LTBP1: variants seen among roughly 807,000 people sequenced by gnomAD.
The protein encoded by LTBP1 is latent transforming growth factor beta binding protein 1.
A neutral mutation model predicts 207.6 loss-of-function variants in LTBP1; 129 were observed. That is an observed-to-expected ratio of 0.62 (90% confidence interval 0.54 to 0.72). The LOEUF (loss-of-function observed/expected upper bound fraction) is 0.72. Ranked by LOEUF, LTBP1 falls within the 30% of genes least tolerant of loss-of-function variation. The probability of loss-of-function intolerance (pLI) is 0.00; values close to 1 mark genes in which losing one functional copy is unlikely to be tolerated. For missense variants in LTBP1, 2,281 were observed against 2,217.2 expected (o/e 1.03, Z -0.58); for synonymous variants, 963 against 833.7 (o/e 1.16, Z -2.67).
chr2:33,398,973 C>T lies in LTBP1; in HGVS notation c.*428C>T, dbSNP rs1035710576. ...TCTTTTACTTCAGTTTTTTAAAAAT[C>T]TCAAATGAAAAAGTCTTCGATACAA... is the stretch of plus-strand genomic sequence containing the variant. On this transcript the variant is annotated 3_prime_UTR_variant, in exon 34 of 34. Coordinates refer to ENST00000404816, the MANE Select transcript of LTBP1 (RefSeq NM_206943.4). 6.5e-6 allele frequency: 1 copy of T among 152,830 alleles called. No homozygotes were observed. The highest frequency in any genetic ancestry group is 1.5e-5 in the Non-Finnish European group (1 of 68,336). The allele number at this position is 152,830 out of a possible 1,614,324, so 9.5% of individuals were successfully genotyped here. A position where few individuals can be genotyped will look rare whatever the true frequency, so the allele number is the denominator to read the frequency against.
At chr2:33,262,540 C>CTTTT (rs369761322) in intron 13 of LTBP1, among the ~76,000 whole-genome samples, 182 bp from the exon 14 acceptor site, 10 of 98,482 alleles carry the variant, frequency 1.0e-4, no homozygotes, top group Non-Finnish European at 1.5e-4. Flanking sequence ...ATCAAAGGTT[C>CTTTT]TTTTTTTTTT....
chr2:33,318,145 C>A (rs1211160091), intron 24 of LTBP1, among the ~76,000 whole-genome samples: 3 of 151,880 alleles, frequency 2.0e-5, no homozygotes, highest in Non-Finnish European at 4.4e-5. Context: ...CACCACCCCC[C>A]AAAAAAAATC....
At chr2:32,986,336 C>T (rs1394813861) in intron 2 of LTBP1, among the ~76,000 whole-genome samples, 2 of 152,134 alleles carry the variant, frequency 1.3e-5, no homozygotes, top group South Asian at 2.1e-4. Context: ...TGGGAGAGGG[C>T]GTGGTGGACT....
intron 3 of LTBP1, among the ~76,000 whole-genome samples, chr2:33,040,762 A>C (rs550783067): frequency 2.0e-5 from 3 of 152,350 alleles, no homozygotes; most frequent in Admixed American, 6.5e-5. Context: ...GGCATAGAGC[A>C]GTTGGAACAG....
intron 2 of LTBP1, among the ~76,000 whole-genome samples, chr2:33,005,886 C>T (rs1222601613): frequency 2.0e-5 from 3 of 152,076 alleles, no homozygotes; most frequent in East Asian, 1.9e-4. Flanking sequence ...TGTGCCCGGC[C>T]GGCTCTGCCT....
chr2:32,962,802 C>A (rs753950257), intron 2 of LTBP1, among the ~76,000 whole-genome samples: 7 of 152,236 alleles, frequency 4.6e-5, no homozygotes, highest in African/African-American at 7.2e-5. Flanking sequence ...TGGAATGGGG[C>A]GTCAGCTCCG....
At chr2:33,066,774 G>C (rs1011709697) in intron 3 of LTBP1, among the ~76,000 whole-genome samples, 19 of 152,168 alleles carry the variant, frequency 1.2e-4, no homozygotes, top group Non-Finnish European at 2.1e-4. Context: ...CTGCAAACAA[G>C]GTAAATTTGC....
Position 33,342,902 on chromosome 2 carries a change from C to T in LTBP1, c.3795C>T (p.Gly1265=). The T allele has an allele frequency of 6.2e-7, 1 of 1,614,076 alleles. No individual in the cohort carries two copies. The highest frequency in any genetic ancestry group is 1.7e-5 in the Admixed American group (1 of 60,028). Residue 1265 remains glycine, a synonymous_variant, in exon 25 of 34, where the codon GGC becomes GGT. Coordinates refer to ENST00000404816, the MANE Select transcript of LTBP1 (RefSeq NM_206943.4). ...DSHGFCDNTA[G]SFRCLCYQGF... is the part of the protein sequence containing the mutation. ...ACGGGTTTTGTGACAATACAGCTGG[C>T]TCCTTCCGCTGCCTCTGTTATCAGG...
intron 32 of LTBP1, among the ~76,000 whole-genome samples, chr2:33,393,960 C>T (rs1417277451): frequency 3.3e-5 from 5 of 150,490 alleles, no homozygotes; most frequent in Non-Finnish European, 7.4e-5. Context: ...CCTGTTGTTT[C>T]CTGACTTTTT....
At chr2:33,328,577 C>T (rs1372998354) in intron 24 of LTBP1, among the ~76,000 whole-genome samples, 3 of 152,144 alleles carry the variant, frequency 2.0e-5, no homozygotes, top group Admixed American at 2.0e-4. Context: ...AAATGCCAGA[C>T]ACTTAAAAAA....
At chr2:33,293,389 C>G in intron 20 of LTBP1, 107 bp downstream of exon 20, 1 of 1,165,322 alleles carries the variant, frequency 8.6e-7, no homozygotes, top group African/African-American at 1.6e-5. Context: ...TTTATTTTGA[C>G]CGAGCGACTT....
intron 18 of LTBP1, among the ~76,000 whole-genome samples, chr2:33,276,523 G>T (rs115931074): frequency 6.6e-6 from 1 of 152,136 alleles, no homozygotes; most frequent in African/African-American, 2.4e-5. Context: ...TTCTTTTCAC[G>T]TTTGTGTCCA....
chr2:33,017,818 G>A (rs566333030), intron 2 of LTBP1, among the ~76,000 whole-genome samples: 2 of 152,128 alleles, frequency 1.3e-5, no homozygotes, highest in African/African-American at 4.8e-5. Context: ...GGGTTTCACC[G>A]TGTTAACCAG....
intron 24 of LTBP1, among the ~76,000 whole-genome samples, chr2:33,322,697 T>C (rs922943913): frequency 6.6e-6 from 1 of 152,210 alleles, no homozygotes; most frequent in South Asian, 2.1e-4. Flanking sequence ...TGGTTTAATT[T>C]TGGCTGCAAC....
intron 5 of LTBP1, among the ~76,000 whole-genome samples, chr2:33,172,412 A>G (rs1274223066): frequency 1.3e-5 from 2 of 152,212 alleles, no homozygotes; most frequent in Admixed American, 6.5e-5. Context: ...AAAGAAGGCC[A>G]TTACATAATG....
intron 11 of LTBP1, among the ~76,000 whole-genome samples, chr2:33,254,852 G>GTTTTTTTTT (rs70938393): frequency 2.7e-3 from 28 of 10,358 alleles, no homozygotes; most frequent in Non-Finnish European, 3.2e-3. Flanking sequence ...GCGGTGTTTG[G>GTTTTTTTTT]TTTTTTTTTT....
chr2:33,387,772 T>G (rs907250961), intron 31 of LTBP1, among the ~76,000 whole-genome samples: 1 of 146,978 alleles, frequency 6.8e-6, no homozygotes, highest in African/African-American at 2.5e-5. Context: ...ATAAACACAA[T>G]AGGGGAAAAT....
chr2:32,982,533 A>G (rs2148735650), intron 2 of LTBP1, among the ~76,000 whole-genome samples: 1 of 152,246 alleles, frequency 6.6e-6, no homozygotes. Context: ...CAGTGGGGAA[A>G]ATGTCTCCAG....
intron 5 of LTBP1, among the ~76,000 whole-genome samples, chr2:33,140,045 TA>T (rs2082512490): frequency 6.6e-6 from 1 of 152,214 alleles, no homozygotes; most frequent in South Asian, 2.1e-4. Flanking sequence ...TTTAAGAGGC[TA>T]AATAAGTTTC....
Sources: allele counts gnomAD v4.1 joint callset (sites outside exome capture counted in the v4.1 genomes callset), GRCh38; gene constraint gnomAD v4.1.1; transcripts MANE v1.5; gene names NCBI Gene and HGNC (gene_info 2026-07-23, HGNC 2026-07-21).